Variants in EEFSEC observed in about 807,000 individuals in gnomAD.
The protein encoded by EEFSEC is eukaryotic elongation factor, selenocysteine-tRNA specific, also known as selenocysteine-specific elongation factor.
In EEFSEC, 43 loss-of-function variants were observed where a neutral mutation model predicts 42.1. The ratio of observed to expected loss-of-function variants is 1.02; its 90% confidence interval spans 0.80 to 1.32. EEFSEC has a LOEUF of 1.32. EEFSEC is among the 40% of genes most tolerant of loss of function. EEFSEC has a pLI of 0.00. For missense variants in EEFSEC, 745 were observed against 803.6 expected, an observed-to-expected ratio of 0.93 and a Z score of 0.88; for synonymous variants, 354 against 339.1, an observed-to-expected ratio of 1.04 and a Z score of -0.48.
intron 4 of EEFSEC, among the ~76,000 whole-genome samples, chr3:128,327,286 TCCCATCC>T (rs2067074544): frequency 7.2e-6 from 1 of 139,374 alleles, no homozygotes; most frequent in Admixed American, 7.2e-5. Context: ...CCTGCACTTT[TCCCATCC>T]CCCCCCCCCC....
At chr3:128,314,400 A>G (rs2066923398) in intron 4 of EEFSEC, among the ~76,000 whole-genome samples, 2 of 152,034 alleles carry the variant, frequency 1.3e-5, no homozygotes, top group Non-Finnish European at 1.5e-5. Flanking sequence ...CTGGAGTGCC[A>G]TGGTGGAATC....
chr3:128,154,734 C>T (rs1263873329), intron 1 of EEFSEC, among the ~76,000 whole-genome samples: 2 of 152,230 alleles, frequency 1.3e-5, no homozygotes, highest in Non-Finnish European at 2.9e-5. Context: ...CAGGCGTGAG[C>T]CACCACGTCC....
At chr3:128,335,694 G>T (rs546213512) in intron 4 of EEFSEC, among the ~76,000 whole-genome samples, 1 of 152,332 alleles carries the variant, frequency 6.6e-6, no homozygotes, top group Admixed American at 6.5e-5. Context: ...AGAACAGGAA[G>T]AACAGGCTGT....
At chr3:128,337,041 G>A (rs912748748) in intron 4 of EEFSEC, 2 of 152,216 alleles carry the variant, frequency 1.3e-5, no homozygotes, top group African/African-American at 4.8e-5. Flanking sequence ...GGCCCTCAAA[G>A]TTGGCTAGAA....
intron 4 of EEFSEC, among the ~76,000 whole-genome samples, chr3:128,302,195 A>G (rs191549512): frequency 6.6e-6 from 1 of 152,302 alleles, no homozygotes; most frequent in East Asian, 1.9e-4. Flanking sequence ...AGAGGGCAGG[A>G]ATGTAATGCA....
chr3:128,404,290 T>C (rs1197839477), intron 6 of EEFSEC, among the ~76,000 whole-genome samples: 1 of 152,182 alleles, frequency 6.6e-6, no homozygotes, highest in Non-Finnish European at 1.5e-5. Context: ...AGAGCAGAGG[T>C]AAACGAGCCT....
intron 4 of EEFSEC, among the ~76,000 whole-genome samples, chr3:128,332,551 A>G (rs143614878): frequency 0.015 from 2,267 of 152,344 alleles, 57 homozygotes; most frequent in African/African-American, 0.05. Context: ...TCCTGGGTTC[A>G]AGTGATTCTC....
At chr3:128,301,668 A>G (rs1407752305) in intron 4 of EEFSEC, among the ~76,000 whole-genome samples, 2 of 151,988 alleles carry the variant, frequency 1.3e-5, no homozygotes, top group African/African-American at 4.8e-5. Flanking sequence ...CCTTTTCCCT[A>G]GTGGCAACTT....
At chr3:128,181,591 G>C (rs1173258117) in intron 1 of EEFSEC, among the ~76,000 whole-genome samples, 2 of 152,216 alleles carry the variant, frequency 1.3e-5, no homozygotes, top group Non-Finnish European at 2.9e-5. Flanking sequence ...GTTTTGAAGT[G>C]TCTCTCCTTT....
chr3:128,202,795 A>G (rs1040301004), intron 1 of EEFSEC, among the ~76,000 whole-genome samples: 8 of 152,192 alleles, frequency 5.3e-5, no homozygotes, highest in African/African-American at 1.9e-4. Context: ...GGGTTTTTCC[A>G]TACACATCCT....
chr3:128,396,196 C>T (rs2067979477), intron 6 of EEFSEC, among the ~76,000 whole-genome samples: 1 of 152,178 alleles, frequency 6.6e-6, no homozygotes, highest in African/African-American at 2.4e-5. Context: ...ATGTCATGGA[C>T]CAGGCCTGGC....
chr3:128,187,761 AGAGGTGC>A (rs1387963404), intron 1 of EEFSEC, among the ~76,000 whole-genome samples: 2 of 152,248 alleles, frequency 1.3e-5, no homozygotes, highest in Non-Finnish European at 2.9e-5. Context: ...AGAGGGTTTC[AGAGGTGC>A]GAGTCAGGGA....
intron 5 of EEFSEC, among the ~76,000 whole-genome samples, chr3:128,356,648 C>G (rs1447883848): frequency 6.6e-6 from 1 of 152,090 alleles, no homozygotes; most frequent in African/African-American, 2.4e-5. Context: ...TTTCAGTAGC[C>G]AAAGATAGAA....
chr3:128,262,960 A>G (rs1576589847), intron 3 of EEFSEC, among the ~76,000 whole-genome samples: 1 of 152,158 alleles, frequency 6.6e-6, no homozygotes, highest in South Asian at 2.1e-4. Context: ...GGCTAGCTCC[A>G]CCACCACTCT....
chr3:128,289,765 G>A (rs2066623830), intron 4 of EEFSEC, among the ~76,000 whole-genome samples: 1 of 152,228 alleles, frequency 6.6e-6, no homozygotes, highest in Non-Finnish European at 1.5e-5. Context: ...TGTCATGTTT[G>A]AGGGTTTTCC....
chr3:128,329,025 G>A (rs74920528), intron 4 of EEFSEC, among the ~76,000 whole-genome samples: 4 of 152,204 alleles, frequency 2.6e-5, no homozygotes, highest in East Asian at 1.9e-4. Flanking sequence ...TTGGCACCCC[G>A]CCTCTCACCC....
chr3:128,290,455 A>T (rs1576611456), intron 4 of EEFSEC, among the ~76,000 whole-genome samples: 1 of 152,070 alleles, frequency 6.6e-6, no homozygotes, highest in East Asian at 1.9e-4. Flanking sequence ...TTCTCATGCT[A>T]TCTTGATTGC....
intron 1 of EEFSEC, among the ~76,000 whole-genome samples, chr3:128,232,715 C>T (rs552710591): frequency 6.6e-6 from 1 of 152,310 alleles, no homozygotes; most frequent in African/African-American, 2.4e-5. Context: ...TGCTCTTGAA[C>T]GGGAGTTGTA....
At chr3:128,236,740 T>C (rs566060223) in intron 1 of EEFSEC, among the ~76,000 whole-genome samples, 2 of 152,320 alleles carry the variant, frequency 1.3e-5, no homozygotes, top group East Asian at 1.9e-4. Context: ...ACCAACTCCT[T>C]CTCCGCTGAG....
Sources: gnomAD v4.1 joint callset for allele counts (sites outside exome capture counted in the v4.1 genomes callset) on GRCh38, gnomAD v4.1.1 for gene constraint, MANE v1.5 for transcripts, NCBI Gene and HGNC (gene_info 2026-07-23, HGNC 2026-07-21) for gene names.